The following AAMDC variants were observed in gnomAD, a reference collection of about 807,000 sequenced individuals.
The protein encoded by AAMDC is mth938 domain-containing protein.
Under a neutral mutation model 15.5 loss-of-function variants are expected in AAMDC, and 16 were observed. That is an observed-to-expected ratio of 1.03 (90% CI 0.70 to 1.57). The LOEUF (loss-of-function observed/expected upper bound fraction) is 1.57. Among genes scored for constraint, AAMDC ranks in the 40% most tolerant of loss-of-function variants. The pLI, the probability that AAMDC is intolerant of heterozygous loss-of-function variation, is 0.00. For synonymous variants in AAMDC, 51 were observed against 51.6 expected, an observed-to-expected ratio of 0.99 and a Z score of 0.05; for missense variants, 141 against 144.9, an observed-to-expected ratio of 0.97 and a Z score of 0.14.
chr11:77,904,110 A>G (rs548408182), downstream of AAMDC, among the ~76,000 whole-genome samples: 1 of 152,198 alleles, frequency 6.6e-6, no homozygotes, highest in African/African-American at 2.4e-5. Flanking sequence ...CCCTCTTTCA[A>G]TCTTTCTACA....
chr11:77,901,425 G>A (rs764240706), downstream of AAMDC: 13 of 1,613,750 alleles, frequency 8.1e-6, no homozygotes, highest in African/African-American at 2.7e-5. Flanking sequence ...TCTTACCCTC[G>A]TGTAGTTCGT....
At chr11:77,864,934 A>C (rs956203314) in intron 2 of AAMDC, among the ~76,000 whole-genome samples, 1 of 152,086 alleles carries the variant, frequency 6.6e-6, no homozygotes, top group Non-Finnish European at 1.5e-5. Flanking sequence ...CCCTGATTGC[A>C]CCACTGCCCT....
At chr11:77,884,729 G>A in intron 5 of AAMDC, 2 of 336,876 alleles carry the variant, frequency 5.9e-6, no homozygotes, top group Non-Finnish European at 1.2e-5. Flanking sequence ...AGGTCATGGG[G>A]CCTCCCCCTG....
chr11:77,849,930 C>A (rs1407550098), intron 2 of AAMDC, among the ~76,000 whole-genome samples: 1 of 152,154 alleles, frequency 6.6e-6, no homozygotes, highest in Non-Finnish European at 1.5e-5. Flanking sequence ...CTCTGTGCCT[C>A]TATTATAGCA....
At chr11:77,877,931 A>G (rs1264884710) in intron 5 of AAMDC, among the ~76,000 whole-genome samples, 1 of 152,172 alleles carries the variant, frequency 6.6e-6, no homozygotes, top group Admixed American at 6.5e-5. Context: ...CTCATCAGAG[A>G]TGCTGCAGTA....
chr11:77,821,251 CG>C lies in AAMDC; in HGVS notation c.-19+15del, dbSNP rs375849077. 3.1e-3 allele frequency: 711 copies of C among 228,862 alleles called. 5 individuals are homozygous for C. The highest frequency in any genetic ancestry group is 0.015 in the African/African-American group (667 of 44,308). The allele number at this position is 228,862 out of a possible 1,614,324, so 14.2% of individuals were successfully genotyped here. A position where few individuals can be genotyped will look rare whatever the true frequency, so the allele number is the denominator to read the frequency against. ...GGAGACAGTGCGGTGGGTGAGTTTGCGGGGGAATCCTGAAACTGGGCCACGA... is the reference window on the plus strand; with the variant it reads ...GGAGACAGTGCGGTGGGTGAGTTTGCGGGGAATCCTGAAACTGGGCCACGA... On this transcript the variant is annotated intron_variant, in intron 1 of 3. Coordinates refer to ENST00000393427, the MANE Select transcript of AAMDC (RefSeq NM_024684.4).
intron 1 of AAMDC, among the ~76,000 whole-genome samples, chr11:77,822,297 C>T (rs981313731): frequency 6.6e-6 from 1 of 150,974 alleles, no homozygotes; most frequent in East Asian, 2.0e-4. Flanking sequence ...GAAAATTAGC[C>T]GGGAATCCTT....
downstream of AAMDC, among the ~76,000 whole-genome samples, chr11:77,903,298 C>T (rs1483973894): frequency 2.6e-5 from 4 of 151,910 alleles, no homozygotes; most frequent in African/African-American, 4.8e-5. Context: ...CCTCTGGCTC[C>T]GCCTTGGACC....
intron 5 of AAMDC, chr11:77,879,223 G>A: frequency 7.3e-7 from 1 of 1,363,280 alleles, no homozygotes; most frequent in Admixed American, 2.1e-5. Flanking sequence ...GGAAGCAGTA[G>A]GGAGAAATTT....
intron 2 of AAMDC, among the ~76,000 whole-genome samples, chr11:77,864,015 C>T (rs540567144): frequency 6.6e-6 from 1 of 151,310 alleles, no homozygotes; most frequent in African/African-American, 2.4e-5. Flanking sequence ...CAACCTCTGC[C>T]TCCCATGTTT....
chr11:77,832,951 ATG>A (rs146936151), intron 1 of AAMDC, among the ~76,000 whole-genome samples: 6,109 of 68,310 alleles, frequency 0.089, 543 homozygotes, highest in Middle Eastern at 0.15. Context: ...GTATATATAT[ATG>A]TGTGTGTGTG....
intron 2 of AAMDC, among the ~76,000 whole-genome samples, chr11:77,860,478 G>A (rs894283260): frequency 2.0e-5 from 3 of 152,212 alleles, no homozygotes; most frequent in African/African-American, 2.4e-5. Flanking sequence ...AGAGCTGAGC[G>A]TTTGGTTTGG....
At chr11:77,853,715 T>G (rs750644796) in intron 2 of AAMDC, among the ~76,000 whole-genome samples, 1 of 151,956 alleles carries the variant, frequency 6.6e-6, no homozygotes, top group African/African-American at 2.4e-5. Context: ...CCAAAGTGGA[T>G]GGATTGCTTC....
At chr11:77,862,883 G>C (rs1950941833) in intron 2 of AAMDC, among the ~76,000 whole-genome samples, 1 of 152,164 alleles carries the variant, frequency 6.6e-6, no homozygotes, top group South Asian at 2.1e-4. Context: ...TAGTGTCTGA[G>C]AGTCAAATTG....
chr11:77,857,677 C>G (rs1950681224), intron 2 of AAMDC, among the ~76,000 whole-genome samples: 1 of 150,516 alleles, frequency 6.6e-6, no homozygotes, highest in African/African-American at 2.4e-5. Context: ...TTTGCTGCAC[C>G]TATCAACCCA....
intron 5 of AAMDC, among the ~76,000 whole-genome samples, chr11:77,893,175 C>CGA (rs1952353004): frequency 6.6e-6 from 1 of 152,216 alleles, no homozygotes; most frequent in Non-Finnish European, 1.5e-5. Flanking sequence ...CTTCATCAAG[C>CGA]TTTCCATTCA....
At chr11:77,859,484 G>A (rs548862311) in intron 2 of AAMDC, among the ~76,000 whole-genome samples, 13 of 152,310 alleles carry the variant, frequency 8.5e-5, no homozygotes, top group Non-Finnish European at 1.8e-4. Flanking sequence ...GGGCATGGAG[G>A]ACTAGGTAAG....
intron 5 of AAMDC, chr11:77,883,920 A>G: frequency 1.2e-6 from 2 of 1,613,390 alleles, no homozygotes; most frequent in Non-Finnish European, 1.7e-6. Flanking sequence ...GCTTGGGGTG[A>G]ATCATCTGAG....
chr11:77,883,735 C>G, intron 5 of AAMDC: 4 of 1,280,360 alleles, frequency 3.1e-6, no homozygotes, highest in Non-Finnish European at 4.3e-6. Context: ...CCTGATTCAT[C>G]CATGTATTTT....
Sources: gnomAD v4.1 joint callset for allele counts (sites outside exome capture counted in the v4.1 genomes callset) on GRCh38, gnomAD v4.1.1 for gene constraint, MANE v1.5 for transcripts, NCBI Gene and HGNC (gene_info 2026-07-23, HGNC 2026-07-21) for gene names.